DGKG: variants seen among roughly 807,000 people sequenced by gnomAD.
DGKG encodes the protein diacylglycerol kinase gamma.
In DGKG, 78 loss-of-function variants were observed where a neutral mutation model predicts 105.3. That is an observed-to-expected ratio of 0.74 (90% CI 0.62 to 0.89). The LOEUF (loss-of-function observed/expected upper bound fraction) is 0.89. Among genes scored for constraint, DGKG ranks in the 40% least tolerant of loss-of-function variants. DGKG has a pLI of 0.00. For missense variants in DGKG, 958 were observed against 1,020.1 expected (o/e 0.94, Z 0.83); for synonymous variants, 346 against 367.1 (o/e 0.94, Z 0.66).
intron 22 of DGKG, among the ~76,000 whole-genome samples, chr3:186,173,129 G>T (rs1716903627): frequency 6.6e-6 from 1 of 152,144 alleles, no homozygotes; most frequent in African/African-American, 2.4e-5. Flanking sequence ...GACTGGATTA[G>T]GGCCCACCCA....
intron 9 of DGKG, among the ~76,000 whole-genome samples, chr3:186,276,327 T>C (rs1001942789): frequency 3.9e-5 from 6 of 152,214 alleles, no homozygotes; most frequent in Admixed American, 1.3e-4. Context: ...TTCGATGATA[T>C]GTTATGATTT....
At chr3:186,293,704 G>A (rs1460938406) in intron 5 of DGKG, among the ~76,000 whole-genome samples, 1 of 152,208 alleles carries the variant, frequency 6.6e-6, no homozygotes, top group East Asian at 1.9e-4. Flanking sequence ...GCCTAGACAG[G>A]CCACATGAAA....
At chr3:186,273,663 C>T (rs546672010) in intron 10 of DGKG, among the ~76,000 whole-genome samples, 9 of 152,216 alleles carry the variant, frequency 5.9e-5, no homozygotes, top group African/African-American at 1.7e-4. Context: ...TGAATCACCG[C>T]GCCAGGCCTG....
intron 2 of DGKG, among the ~76,000 whole-genome samples, chr3:186,310,286 AAAAC>A (rs1163642143): frequency 4.0e-5 from 6 of 148,948 alleles, no homozygotes; most frequent in East Asian, 2.0e-4. Flanking sequence ...AAAAAAAAAA[AAAAC>A]CACACACACA....
chr3:186,261,091 T>G (rs1282048957), intron 15 of DGKG, among the ~76,000 whole-genome samples: 3 of 152,194 alleles, frequency 2.0e-5, no homozygotes, highest in Non-Finnish European at 2.9e-5. Flanking sequence ...TCCTGCCCCT[T>G]GGACAGGGGT....
At chr3:186,219,436 C>T (rs1719459234) in intron 20 of DGKG, among the ~76,000 whole-genome samples, 1 of 152,190 alleles carries the variant, frequency 6.6e-6, no homozygotes, top group African/African-American at 2.4e-5. Flanking sequence ...GGGCAGTGGC[C>T]CCTTTGGTTC....
At chr3:186,302,391 A>AATGGAT (rs1357596366) in intron 3 of DGKG, among the ~76,000 whole-genome samples, 4 of 150,182 alleles carry the variant, frequency 2.7e-5, no homozygotes, top group Non-Finnish European at 5.9e-5. Context: ...GTATAGATTG[A>AATGGAT]ATGGATATAT....
At chr3:186,261,537 C>T (rs1042649347) in intron 15 of DGKG, among the ~76,000 whole-genome samples, 162 bp downstream of exon 15, 38 of 152,082 alleles carry the variant, frequency 2.5e-4, no homozygotes, top group African/African-American at 8.9e-4. Flanking sequence ...AAACCGAGGC[C>T]CGGGGACATT....
Position 186,361,035 on chromosome 3 carries a change from G to A in DGKG, c.-249+911C>T, listed in dbSNP as rs866773269. 3.9e-5 allele frequency among the ~76,000 whole-genome samples: 6 copies of A among 152,338 alleles called. No individual in the cohort carries two copies. In the South Asian group the frequency reaches 1.0e-3, roughly 26 times the overall value. ...CAGCCACAGATCGCTTCGCGCTGCA[G>A]CAGACGCTCCCGCCGCGGGGGGCGA... On this transcript the variant is annotated intron_variant, in intron 1 of 24. Coordinates refer to ENST00000265022, the MANE Select transcript of DGKG (RefSeq NM_001346.3). This position sits in a 1 kb window ranked among gnomAD's most constrained non-coding sequence, Gnocchi z 6.8.
chr3:186,299,767 C>CCCTTTCTT (rs1553815790), intron 3 of DGKG, among the ~76,000 whole-genome samples: 1 of 95,474 alleles, frequency 1.0e-5, no homozygotes, highest in Admixed American at 1.2e-4. Flanking sequence ...TTCTTCTTTT[C>CCCTTTCTT]TCTTTCTTTC....
chr3:186,307,089 G>C, intron 2 of DGKG, 112 bp from the exon 3 acceptor site: 3 of 722,970 alleles, frequency 4.1e-6, no homozygotes, highest in Non-Finnish European at 4.9e-6. Flanking sequence ...CTCAGTCCCA[G>C]AAAATCTGGA....
intron 3 of DGKG, among the ~76,000 whole-genome samples, chr3:186,305,800 A>G (rs1163162260): frequency 1.3e-5 from 2 of 152,194 alleles, no homozygotes; most frequent in Non-Finnish European, 1.5e-5. Context: ...ATGTGAGAGG[A>G]CAGAAGTTGA....
At chr3:186,152,961 C>CTT (rs10579014) in intron 24 of DGKG, among the ~76,000 whole-genome samples, 12 of 124,496 alleles carry the variant, frequency 9.6e-5, no homozygotes, top group East Asian at 7.2e-4. Flanking sequence ...CGCGCCCGGC[C>CTT]TTTTTTTTTT....
At chr3:186,267,283 T>C (rs150579076) in intron 13 of DGKG, among the ~76,000 whole-genome samples, 2 of 152,266 alleles carry the variant, frequency 1.3e-5, no homozygotes, top group Non-Finnish European at 2.9e-5. Context: ...CCTTGCTGGG[T>C]CATTTCAGGG....
At chr3:186,336,906 A>C (rs1438246272) in intron 1 of DGKG, among the ~76,000 whole-genome samples, 2 of 152,224 alleles carry the variant, frequency 1.3e-5, no homozygotes, top group Non-Finnish European at 2.9e-5. Context: ...AAAATGGGAA[A>C]ATTCTGCAAA....
At chr3:186,171,258 A>G (rs1159130327) in intron 22 of DGKG, among the ~76,000 whole-genome samples, 2 of 152,212 alleles carry the variant, frequency 1.3e-5, no homozygotes, top group Admixed American at 1.3e-4. Flanking sequence ...GGCATATAAA[A>G]GGTTCTTGAT....
At chr3:186,218,132 C>A (rs1304422395) in intron 20 of DGKG, among the ~76,000 whole-genome samples, 3 of 152,024 alleles carry the variant, frequency 2.0e-5, no homozygotes, top group African/African-American at 4.8e-5. Context: ...CCTCCCAGAC[C>A]CCATTATCAA....
At chr3:186,316,614 A>T (rs1328963212) in intron 2 of DGKG, among the ~76,000 whole-genome samples, 2 of 152,178 alleles carry the variant, frequency 1.3e-5, no homozygotes, top group African/African-American at 4.8e-5. Flanking sequence ...GTCTGTGTGT[A>T]TATGTATGTA....
At chr3:186,302,862 A>G (rs1724045897) in intron 3 of DGKG, among the ~76,000 whole-genome samples, 1 of 152,168 alleles carries the variant, frequency 6.6e-6, no homozygotes, top group Non-Finnish European at 1.5e-5. Context: ...AACTCATCCA[A>G]CCATGCATGT....
Sources: gnomAD v4.1 joint callset for allele counts (sites outside exome capture counted in the v4.1 genomes callset) on GRCh38, gnomAD v4.1.1 for gene constraint, Gnocchi (gnomAD v3.1) non-coding constraint, MANE v1.5 for transcripts, NCBI Gene and HGNC (gene_info 2026-07-23, HGNC 2026-07-21) for gene names.